The following PDZRN3 variants were observed in gnomAD, a reference collection of about 807,000 sequenced individuals.
PDZRN3 encodes the protein E3 ubiquitin-protein ligase PDZRN3.
In PDZRN3, 38 loss-of-function variants were observed where a neutral mutation model predicts 85.7. That is an observed-to-expected ratio of 0.44 (90% CI 0.34 to 0.58). PDZRN3 has a LOEUF of 0.58. Among genes scored for constraint, PDZRN3 ranks in the 20% least tolerant of loss-of-function variants. The probability of loss-of-function intolerance (pLI) is 0.01; values close to 1 mark genes in which losing one functional copy is unlikely to be tolerated. For missense variants in PDZRN3, 1,629 were observed against 1,506.4 expected (o/e 1.08, Z -1.35); for synonymous variants, 759 against 638.0 (o/e 1.19, Z -2.86).
intron 3 of PDZRN3, among the ~76,000 whole-genome samples, chr3:73,498,840 C>T (rs1003906721): frequency 1.3e-5 from 2 of 152,190 alleles, no homozygotes; most frequent in African/African-American, 2.4e-5. Context: ...GCCTCAGCCT[C>T]CCAAAGTCCT....
At chr3:73,452,843 G>C (rs891013664) in intron 3 of PDZRN3, among the ~76,000 whole-genome samples, 35 of 148,422 alleles carry the variant, frequency 2.4e-4, no homozygotes, top group African/African-American at 7.2e-4. Context: ...ATATATCTGT[G>C]TGTGTGTGTG....
chr3:73,434,819 A>G (rs1702500204), intron 3 of PDZRN3, among the ~76,000 whole-genome samples: 1 of 152,234 alleles, frequency 6.6e-6, no homozygotes, highest in Non-Finnish European at 1.5e-5. Flanking sequence ...ACAACAGACA[A>G]CATTTAAGAA....
At chr3:73,553,038 CAT>C (rs1701600118) in intron 3 of PDZRN3, among the ~76,000 whole-genome samples, 1 of 152,060 alleles carries the variant, frequency 6.6e-6, no homozygotes, top group Non-Finnish European at 1.5e-5. Context: ...AGAAAGCTAA[CAT>C]ATAAAATGGA....
At chr3:73,468,731 T>C (rs942026950) in intron 3 of PDZRN3, among the ~76,000 whole-genome samples, 3 of 152,174 alleles carry the variant, frequency 2.0e-5, no homozygotes, top group African/African-American at 7.2e-5. Context: ...CCTCTCATTG[T>C]GTTGACTGAT....
At chr3:73,441,264 T>C (rs1481772051) in intron 3 of PDZRN3, among the ~76,000 whole-genome samples, 1 of 151,662 alleles carries the variant, frequency 6.6e-6, no homozygotes, top group African/African-American at 2.4e-5. Flanking sequence ...AATACAAAAA[T>C]TAGTTGGGCG....
chr3:73,430,327 C>T (rs886568767), intron 3 of PDZRN3, among the ~76,000 whole-genome samples: 3 of 152,168 alleles, frequency 2.0e-5, no homozygotes, highest in African/African-American at 7.2e-5. Context: ...TTTTCCTTAT[C>T]CTGAAAATGT....
At chr3:73,412,458 T>C (rs1462520557) in intron 3 of PDZRN3, among the ~76,000 whole-genome samples, 4 of 152,232 alleles carry the variant, frequency 2.6e-5, no homozygotes, top group Admixed American at 6.5e-5. Flanking sequence ...GAGCGTTTAA[T>C]GGTGTTTTCT....
At chr3:73,620,119 C>T (rs1702831572) in intron 1 of PDZRN3, among the ~76,000 whole-genome samples, 1 of 152,200 alleles carries the variant, frequency 6.6e-6, no homozygotes, top group African/African-American at 2.4e-5. Flanking sequence ...CACCCACACC[C>T]AAGAATTATC....
intron 3 of PDZRN3, among the ~76,000 whole-genome samples, chr3:73,479,512 T>C (rs903987230): frequency 2.6e-5 from 4 of 152,198 alleles, no homozygotes; most frequent in African/African-American, 7.2e-5. Flanking sequence ...CAGGCACCTG[T>C]CGGAATTGTT....
At chr3:73,387,735 C>T (rs1486250634) in intron 8 of PDZRN3, among the ~76,000 whole-genome samples, 2 of 152,066 alleles carry the variant, frequency 1.3e-5, no homozygotes, top group South Asian at 4.2e-4. Flanking sequence ...CCCTATGATC[C>T]CTGCATTAAT....
intron 6 of PDZRN3, 64 bp downstream of exon 6, chr3:73,390,954 C>T: frequency 4.3e-6 from 4 of 927,692 alleles, no homozygotes; most frequent in Non-Finnish European, 6.5e-6. Flanking sequence ...GGTTGGTGAA[C>T]ATGAAAAAAA....
intron 1 of PDZRN3, among the ~76,000 whole-genome samples, chr3:73,622,927 T>G (rs562863870): frequency 9.2e-5 from 14 of 152,270 alleles, no homozygotes; most frequent in African/African-American, 2.9e-4. Context: ...GCTGGAAAGA[T>G]GGGCACGCAA....
At chr3:73,424,833 C>T (rs192436484) in intron 3 of PDZRN3, among the ~76,000 whole-genome samples, 21 of 152,242 alleles carry the variant, frequency 1.4e-4, no homozygotes, top group African/African-American at 5.1e-4. Flanking sequence ...CAGTGAGATA[C>T]CGCTTCATAT....
intron 3 of PDZRN3, among the ~76,000 whole-genome samples, chr3:73,528,033 T>C (rs776129485): frequency 2.6e-5 from 4 of 152,158 alleles, no homozygotes; most frequent in Non-Finnish European, 4.4e-5. Context: ...CCTGGACAAA[T>C]CGCTCTTGCT....
intron 3 of PDZRN3, among the ~76,000 whole-genome samples, chr3:73,430,754 G>C (rs1175839966): frequency 6.6e-6 from 1 of 152,186 alleles, no homozygotes; most frequent in Non-Finnish European, 1.5e-5. Context: ...CCCAAGAGCT[G>C]TGAGGCTCCC....
At chr3:73,456,201 T>A (rs1312971883) in intron 3 of PDZRN3, among the ~76,000 whole-genome samples, 1 of 152,062 alleles carries the variant, frequency 6.6e-6, no homozygotes, top group Non-Finnish European at 1.5e-5. Context: ...TGTGTGTGTG[T>A]GTGTGTGTGT....
rs373564989 is a variant in PDZRN3, at chr3:73,386,672, T to G, written c.1519-887A>C. On this transcript the variant is annotated intron_variant, in intron 8 of 9. Transcript: ENST00000263666. The stretch of plus-strand genomic sequence containing the variant: ...GCTGACATAATTGTCTATGGCTGCT[T>G]TTGCACTAGAGTGACAGTCTAGCAG... 3.1e-4 allele frequency among the ~76,000 whole-genome samples: 47 copies of G among 152,358 alleles called. No homozygotes were observed. In the South Asian group the frequency reaches 9.7e-3, roughly 32 times the overall value.
chr3:73,589,890 T>C (rs1702328756), intron 3 of PDZRN3, among the ~76,000 whole-genome samples: 1 of 152,140 alleles, frequency 6.6e-6, no homozygotes, highest in Admixed American at 6.5e-5. Flanking sequence ...TTCAGATTTA[T>C]ATATATATTC....
At chr3:73,612,224 C>T (rs1349154956) in intron 1 of PDZRN3, among the ~76,000 whole-genome samples, 1 of 152,176 alleles carries the variant, frequency 6.6e-6, no homozygotes, top group African/African-American at 2.4e-5. Context: ...CCTGGACAAA[C>T]TGAGGCTCAG....
Sources: allele counts gnomAD v4.1 joint callset (sites outside exome capture counted in the v4.1 genomes callset), GRCh38; gene constraint gnomAD v4.1.1; transcripts MANE v1.5; gene names NCBI Gene and HGNC (gene_info 2026-07-23, HGNC 2026-07-21).